The following GRIN2B variants were observed in gnomAD, a reference collection of about 807,000 sequenced individuals.
The protein encoded by GRIN2B is glutamate receptor ionotropic, NMDA 2B.
Under a neutral mutation model 114.5 loss-of-function variants are expected in GRIN2B, and 5 were observed. The ratio of observed to expected loss-of-function variants is 0.04; its 90% CI spans 0.02 to 0.09. GRIN2B has a LOEUF of 0.09. Ranked by LOEUF, GRIN2B falls within the 10% of genes least tolerant of loss-of-function variation. The pLI is 1.00. For synonymous variants in GRIN2B, 787 were observed against 745.1 expected, an observed-to-expected ratio of 1.06 and a Z score of -0.92; for missense variants, 1,108 against 1,943.5, an observed-to-expected ratio of 0.57 and a Z score of 8.08.
At chr12:13,901,961 C>CT (rs1308578520) in intron 2 of GRIN2B, among the ~76,000 whole-genome samples, 2 of 152,008 alleles carry the variant, frequency 1.3e-5, no homozygotes, top group Non-Finnish European at 2.9e-5. Flanking sequence ...AAAAGTCTAT[C>CT]TTTTTCCACC....
chr12:13,595,386 C>T (rs1304571414), intron 10 of GRIN2B, among the ~76,000 whole-genome samples: 1 of 152,182 alleles, frequency 6.6e-6, no homozygotes, highest in Non-Finnish European at 1.5e-5. Flanking sequence ...CCTGTGCTTG[C>T]AGATGTCCAC....
chr12:13,750,815 G>A (rs184638255), intron 4 of GRIN2B, among the ~76,000 whole-genome samples: 32 of 152,332 alleles, frequency 2.1e-4, no homozygotes, highest in Non-Finnish European at 3.5e-4. Context: ...TCAGAGAAAT[G>A]AGTGCTATGG....
chr12:13,826,585 C>A (rs201083899), intron 3 of GRIN2B, among the ~76,000 whole-genome samples: 2 of 152,042 alleles, frequency 1.3e-5, no homozygotes, highest in Non-Finnish European at 2.9e-5. Flanking sequence ...TAATATTTTT[C>A]TCTTTATTGC....
At chr12:13,941,571 G>C (rs778327891) in intron 2 of GRIN2B, among the ~76,000 whole-genome samples, 27 of 152,188 alleles carry the variant, frequency 1.8e-4, no homozygotes, top group South Asian at 4.1e-4. Context: ...AGCATGACTT[G>C]ATAGTCTAGA....
chr12:13,908,381 A>C (rs1866578549), intron 2 of GRIN2B, among the ~76,000 whole-genome samples: 1 of 152,202 alleles, frequency 6.6e-6, no homozygotes, highest in South Asian at 2.1e-4. Flanking sequence ...TGCTAAGAGC[A>C]TGGTTAGCTG....
intron 2 of GRIN2B, among the ~76,000 whole-genome samples, chr12:13,893,334 T>G (rs1248856623): frequency 6.6e-6 from 1 of 151,958 alleles, no homozygotes; most frequent in Non-Finnish European, 1.5e-5. Context: ...AGAAGACAGA[T>G]AGTGGAGGGG....
intron 10 of GRIN2B, among the ~76,000 whole-genome samples, chr12:13,608,200 C>T (rs544015267): frequency 6.6e-6 from 1 of 152,306 alleles, no homozygotes; most frequent in South Asian, 2.1e-4. Flanking sequence ...CACAGCCAAA[C>T]ACCACTGGGA....
chr12:13,975,753 G>A (rs528692883), intron 2 of GRIN2B, among the ~76,000 whole-genome samples: 2 of 152,228 alleles, frequency 1.3e-5, no homozygotes, highest in South Asian at 4.2e-4. Flanking sequence ...TGCCCTTGAG[G>A]AGTGCACAAA....
At chr12:13,915,278 C>A (rs950390640) in intron 2 of GRIN2B, among the ~76,000 whole-genome samples, 1 of 152,162 alleles carries the variant, frequency 6.6e-6, no homozygotes, top group African/African-American at 2.4e-5. Context: ...TCCTGGCATA[C>A]GTTAGTCACA....
Position 13,684,560 on chromosome 12 carries a change from G to C in GRIN2B, c.1011-8701C>G, listed in dbSNP as rs1950160138. ...TGCTACAGGAAAGCCAGACTTATTA[G>C]ACAATGCTAGAAAGGTAGAAATCCC... is the stretch of plus-strand genomic sequence containing the variant. On this transcript the variant is annotated intron_variant, in intron 4 of 13. Transcript: ENST00000609686. Among the ~76,000 whole-genome samples, 3 of 152,254 alleles carry C rather than the reference G, an allele frequency of 2.0e-5. No individual in the cohort carries two copies. The South Asian group carries it at 6.2e-4, about 32-fold the overall frequency.
At chr12:13,774,514 T>C (rs1863966625) in intron 3 of GRIN2B, among the ~76,000 whole-genome samples, 1 of 152,156 alleles carries the variant, frequency 6.6e-6, no homozygotes, top group Admixed American at 6.6e-5. Flanking sequence ...TTTACAGGCC[T>C]CAATTGAGGA....
At chr12:13,707,874 G>C (rs1202774241) in intron 4 of GRIN2B, among the ~76,000 whole-genome samples, 1 of 152,112 alleles carries the variant, frequency 6.6e-6, no homozygotes, top group African/African-American at 2.4e-5. Context: ...AAAATATACA[G>C]CAAGTTTACT....
intron 2 of GRIN2B, among the ~76,000 whole-genome samples, chr12:13,876,156 C>G (rs1865988072): frequency 6.6e-6 from 1 of 152,084 alleles, no homozygotes; most frequent in South Asian, 2.1e-4. Flanking sequence ...AAGCAAGGCC[C>G]TAAAGTCAAA....
intron 3 of GRIN2B, among the ~76,000 whole-genome samples, chr12:13,777,182 GT>G (rs1481370041): frequency 2.6e-5 from 4 of 152,118 alleles, no homozygotes; most frequent in African/African-American, 9.7e-5. Flanking sequence ...TCCCCTCCTG[GT>G]ACTAGAAACG....
At chr12:13,779,879 G>A (rs767295083) in intron 3 of GRIN2B, among the ~76,000 whole-genome samples, 3 of 152,128 alleles carry the variant, frequency 2.0e-5, no homozygotes, top group African/African-American at 2.4e-5. Flanking sequence ...AACACACGTC[G>A]CAAGAGTCTT....
At chr12:13,801,699 G>A (rs1012166697) in intron 3 of GRIN2B, among the ~76,000 whole-genome samples, 1 of 152,084 alleles carries the variant, frequency 6.6e-6, no homozygotes, top group Admixed American at 6.6e-5. Flanking sequence ...GAAAAATCTT[G>A]ACAGAACCAA....
At position 13,600,553 on chromosome 12, in the gene GRIN2B, G is replaced by A. The variant is rs532264714; in HGVS notation, c.2010+8050C>T. ...TGTAACAAGGAGGATAAGGCTACAAGAAGAGAGAGGACACCTGTTTGCTTT... is the reference window on the plus strand; with the variant it reads ...TGTAACAAGGAGGATAAGGCTACAAAAAGAGAGAGGACACCTGTTTGCTTT... On this transcript the variant is annotated intron_variant, in intron 10 of 13. Transcript: ENST00000609686. Among the ~76,000 whole-genome samples the A allele has an allele frequency of 3.9e-5, 6 of 152,144 alleles. No individual in the cohort carries two copies. In the East Asian group the frequency reaches 1.2e-3, roughly 29 times the overall value.
chr12:13,809,539 T>C (rs1231115303), intron 3 of GRIN2B, among the ~76,000 whole-genome samples: 3 of 152,196 alleles, frequency 2.0e-5, no homozygotes, highest in Non-Finnish European at 4.4e-5. Context: ...CTCAAAATCC[T>C]AAAATGCTAA....
At chr12:13,966,379 T>C (rs1181995630) in intron 2 of GRIN2B, among the ~76,000 whole-genome samples, 1 of 152,258 alleles carries the variant, frequency 6.6e-6, no homozygotes, top group Non-Finnish European at 1.5e-5. Flanking sequence ...AAGTTTTGGC[T>C]TGTTTTAGTT....
Sources: allele counts gnomAD v4.1 joint callset (sites outside exome capture counted in the v4.1 genomes callset), GRCh38; gene constraint gnomAD v4.1.1; transcripts MANE v1.5; gene names NCBI Gene and HGNC (gene_info 2026-07-23, HGNC 2026-07-21).